The following CSMD1 variants were observed in gnomAD, a reference collection of about 807,000 sequenced individuals.
CSMD1 encodes the protein CUB and Sushi multiple domains 1, also known as CUB and sushi domain-containing protein 1.
CSMD1 carries 213 observed loss-of-function variants against 417.5 expected under a neutral mutation model. That is an observed-to-expected ratio of 0.51 (90% CI 0.46 to 0.57). CSMD1 has a LOEUF of 0.57. CSMD1 is among the 20% of genes least tolerant of loss of function. The pLI is 0.00. For missense variants in CSMD1, 6,923 were observed against 4,529.7 expected (o/e 1.53, Z -15.17); for synonymous variants, 2,862 against 1,736.8 (o/e 1.65, Z -16.11).
At chr8:3,554,309 A>G (rs1162559342) in intron 10 of CSMD1, among the ~76,000 whole-genome samples, 1 of 152,244 alleles carries the variant, frequency 6.6e-6, no homozygotes, top group East Asian at 1.9e-4. Flanking sequence ...GACCAGTTCA[A>G]CATGAAGTCA....
chr8:3,808,369 G>C (rs533586274), intron 5 of CSMD1, among the ~76,000 whole-genome samples: 1 of 152,030 alleles, frequency 6.6e-6, no homozygotes. Flanking sequence ...ATATTCAAAG[G>C]ACTGACTGTG....
intron 3 of CSMD1, among the ~76,000 whole-genome samples, chr8:4,165,518 C>T (rs1040893398): frequency 6.6e-6 from 1 of 152,204 alleles, no homozygotes; most frequent in African/African-American, 2.4e-5. Flanking sequence ...ATCCTCCCAC[C>T]TCAGCCTGCC....
intron 10 of CSMD1, among the ~76,000 whole-genome samples, chr8:3,501,133 G>A (rs554457566): frequency 4.6e-5 from 7 of 152,108 alleles, no homozygotes; most frequent in Admixed American, 6.5e-5. Context: ...CATTTGATAT[G>A]GGTCCATTCA....
intron 1 of CSMD1, among the ~76,000 whole-genome samples, chr8:4,841,205 G>C (rs1047601902): frequency 4.6e-5 from 7 of 152,218 alleles, no homozygotes; most frequent in African/African-American, 1.7e-4. Flanking sequence ...TATACATTAT[G>C]TTGATATATC....
At chr8:2,942,319 G>A (rs1353763193) in intron 69 of CSMD1, among the ~76,000 whole-genome samples, 153 bp downstream of exon 69, 3 of 151,278 alleles carry the variant, frequency 2.0e-5, no homozygotes, top group East Asian at 1.9e-4. Context: ...CGTGTACCCC[G>A]GAACTCAAAA....
At chr8:4,167,670 T>C (rs919828596) in intron 3 of CSMD1, among the ~76,000 whole-genome samples, 1 of 152,180 alleles carries the variant, frequency 6.6e-6, no homozygotes, top group African/African-American at 2.4e-5. Flanking sequence ...CATAAAAAGA[T>C]ATTGGTTATA....
intron 10 of CSMD1, among the ~76,000 whole-genome samples, chr8:3,570,652 G>C (rs1262812998): frequency 6.6e-6 from 1 of 152,110 alleles, no homozygotes; most frequent in African/African-American, 2.4e-5. Flanking sequence ...CTGCCCCTTT[G>C]TTATCTAAAA....
chr8:3,255,442 G>A (rs1444438522), intron 26 of CSMD1, among the ~76,000 whole-genome samples: 1 of 152,192 alleles, frequency 6.6e-6, no homozygotes, highest in African/African-American at 2.4e-5. Flanking sequence ...GCTGCCTTTT[G>A]TTGTCTGTGC....
chr8:4,310,437 G>T (rs1312982467), intron 3 of CSMD1, among the ~76,000 whole-genome samples: 1 of 152,154 alleles, frequency 6.6e-6, no homozygotes, highest in Non-Finnish European at 1.5e-5. Context: ...AAGATAAATT[G>T]TGCAGAAGTA....
intron 59 of CSMD1, among the ~76,000 whole-genome samples, chr8:2,964,069 G>C (rs1397077865): frequency 1.3e-5 from 2 of 152,118 alleles, no homozygotes; most frequent in African/African-American, 4.8e-5. Flanking sequence ...CACAAAGGGA[G>C]GCAAAAATCC....
At chr8:4,711,903 G>A (rs945533007) in intron 1 of CSMD1, among the ~76,000 whole-genome samples, 2 of 152,180 alleles carry the variant, frequency 1.3e-5, no homozygotes, top group African/African-American at 2.4e-5. Context: ...GCTGGATTAA[G>A]TGCCTACTAC....
chr8:4,439,431 T>G (rs868496366), intron 2 of CSMD1, among the ~76,000 whole-genome samples: 4 of 152,158 alleles, frequency 2.6e-5, no homozygotes, highest in African/African-American at 7.2e-5. Context: ...AATAATGTAA[T>G]GATTTTCATC....
chr8:4,421,089 C>G (rs185567894), intron 2 of CSMD1, among the ~76,000 whole-genome samples: 16 of 152,280 alleles, frequency 1.1e-4, no homozygotes, highest in Non-Finnish European at 1.5e-5. Flanking sequence ...CCAATCCAAA[C>G]AACTTTCAGA....
chr8:3,495,067 CCTA>C (rs1469404424), intron 10 of CSMD1, among the ~76,000 whole-genome samples: 4 of 152,144 alleles, frequency 2.6e-5, no homozygotes, highest in Non-Finnish European at 5.9e-5. Context: ...ATTTAAAAAA[CCTA>C]CTATTTCAAA....
At chr8:4,992,971 T>G (rs1452172822) in intron 1 of CSMD1, among the ~76,000 whole-genome samples, 1 of 152,140 alleles carries the variant, frequency 6.6e-6, no homozygotes, top group South Asian at 2.1e-4. Context: ...CACGGAGCCC[T>G]GGACGCCCCG....
intron 2 of CSMD1, among the ~76,000 whole-genome samples, chr8:4,420,278 A>G (rs1797173306): frequency 6.6e-6 from 1 of 152,186 alleles, no homozygotes; most frequent in Non-Finnish European, 1.5e-5. Context: ...AAATAACTTG[A>G]GAGAATTTCT....
intron 3 of CSMD1, among the ~76,000 whole-genome samples, chr8:4,136,246 T>G (rs1236964649): frequency 6.6e-6 from 1 of 152,226 alleles, no homozygotes; most frequent in Non-Finnish European, 1.5e-5. Flanking sequence ...TGAACCAGAC[T>G]TGACAGATTG....
At chr8:4,159,105 G>A (rs974745698) in intron 3 of CSMD1, among the ~76,000 whole-genome samples, 8 of 151,980 alleles carry the variant, frequency 5.3e-5, no homozygotes, top group East Asian at 3.9e-4. Context: ...TAGTAGAGAC[G>A]AGGCTTCTCC....
chr8:4,550,261 T>C (rs964744454), intron 2 of CSMD1, among the ~76,000 whole-genome samples: 1 of 151,844 alleles, frequency 6.6e-6, no homozygotes, highest in African/African-American at 2.4e-5. Context: ...TTTCCATGGT[T>C]GTGGTTTCAC....
Sources: allele counts gnomAD v4.1 joint callset (sites outside exome capture counted in the v4.1 genomes callset), GRCh38; gene constraint gnomAD v4.1.1; transcripts MANE v1.5; gene names NCBI Gene and HGNC (gene_info 2026-07-23, HGNC 2026-07-21).